EYA3: variants seen among roughly 807,000 people sequenced by gnomAD.
The protein encoded by EYA3 is protein phosphatase EYA3.
A neutral mutation model predicts 80.0 loss-of-function variants in EYA3; 39 were observed. That is an observed-to-expected ratio of 0.49 (90% CI 0.38 to 0.64). EYA3 has a LOEUF of 0.64. Ranked by LOEUF, EYA3 falls within the 30% of genes least tolerant of loss-of-function variation. EYA3 has a pLI of 0.00. For missense variants in EYA3, 523 were observed against 676.1 expected (o/e 0.77, Z 2.51); for synonymous variants, 206 against 232.8 (o/e 0.88, Z 1.05).
intron 16 of EYA3, among the ~76,000 whole-genome samples, chr1:27,984,500 C>T (rs959831501): frequency 7.9e-5 from 12 of 152,038 alleles, no homozygotes; most frequent in African/African-American, 2.2e-4. Context: ...TTACCTTTTG[C>T]GGTAAGTTTT....
intron 4 of EYA3, among the ~76,000 whole-genome samples, chr1:28,039,495 T>C (rs954393626): frequency 6.6e-6 from 1 of 152,216 alleles, no homozygotes; most frequent in African/African-American, 2.4e-5. Context: ...CGTGAGGAAC[T>C]GATGTGATAC....
At position 27,993,564 on chromosome 1, in the gene EYA3, C is replaced by T; in HGVS notation, c.1143-4G>A. 6.4e-7 allele frequency: 1 copy of T among 1,572,342 alleles called. No individual in the cohort carries two copies. Among genetic ancestry groups the T allele is most frequent in the South Asian group, 1.2e-5 (1 of 83,352 alleles). On this transcript the variant is annotated splice_region_variant and splice_polypyrimidine_tract_variant and intron_variant, in intron 13 of 17. Coordinates refer to ENST00000373871, the MANE Select transcript of EYA3 (RefSeq NM_001990.4). ...ATCTGTTGAGAAACTGTAGTTGCTG[C>T]AAGGAGAGAAGATAATAAAAATTAA...
intron 16 of EYA3, among the ~76,000 whole-genome samples, chr1:27,984,036 C>T (rs1639486334): frequency 6.6e-6 from 1 of 151,910 alleles, no homozygotes; most frequent in Non-Finnish European, 1.5e-5. Context: ...TGTCTTGTTA[C>T]CTTTTTTCAA....
Position 28,027,883 on chromosome 1 carries a change from C to G in EYA3, c.405G>C (p.Gln135His), listed in dbSNP as rs764723532. The G allele has an allele frequency of 3.7e-6, 6 of 1,614,122 alleles. No homozygotes were observed. The highest frequency in any genetic ancestry group is 5.1e-6 in the Non-Finnish European group (6 of 1,180,006). Residue 135 changes from glutamine (Q) to histidine (H), a missense_variant, in exon 7 of 18, where the codon CAG (glutamine) becomes CAC (histidine). By Grantham distance (24) the Gln-to-His change is conservative. This residue lies in a region of EYA3 where 304 missense variants were observed against 343.3 expected (regional missense o/e 0.89). Coordinates refer to ENST00000373871, the MANE Select transcript of EYA3 (RefSeq NM_001990.4). ...PGMKPESGLIQTPSPSQHSVL... is the reference protein window; with the variant it reads ...PGMKPESGLIHTPSPSQHSVL... ...CACTGTGTTGACTTGGAGATGGAGT[C>G]TGAATTAAACCACTTTCAGGTTTCA...
intron 14 of EYA3, among the ~76,000 whole-genome samples, chr1:27,991,153 G>A (rs1640033708): frequency 6.6e-6 from 1 of 152,080 alleles, no homozygotes; most frequent in Non-Finnish European, 1.5e-5. Context: ...AAAAATTAGT[G>A]TTACAGCTAG....
At chr1:27,986,524 A>G (rs563651241) in intron 16 of EYA3, among the ~76,000 whole-genome samples, 1 of 149,554 alleles carries the variant, frequency 6.7e-6, no homozygotes, top group South Asian at 2.1e-4. Flanking sequence ...CAGCCTCCCA[A>G]GTAGGTGGGA....
intron 16 of EYA3, among the ~76,000 whole-genome samples, chr1:27,981,387 T>G (rs1452012582): frequency 6.6e-6 from 1 of 152,146 alleles, no homozygotes; most frequent in Admixed American, 6.5e-5. Flanking sequence ...GTGCCAGGTC[T>G]CAGTATAATA....
chr1:28,010,942 C>G lies in EYA3; in HGVS notation c.909+5G>C. The G allele has an allele frequency of 3.1e-6, 5 of 1,608,954 alleles. No individual in the cohort carries two copies. The highest frequency in any genetic ancestry group is 4.2e-6 in the Non-Finnish European group (5 of 1,178,548). On this transcript the variant is annotated splice_donor_5th_base_variant and intron_variant, in intron 10 of 17. Transcript: ENST00000373871. ...GTAGGTAACTAAATCAGTTTCTTCTCATACTTCTAATTCACTGTCTTGGGA... is the reference window on the plus strand; with the variant it reads ...GTAGGTAACTAAATCAGTTTCTTCTGATACTTCTAATTCACTGTCTTGGGA...
intron 7 of EYA3, among the ~76,000 whole-genome samples, chr1:28,020,422 C>A (rs1407494566): frequency 6.6e-6 from 1 of 152,096 alleles, no homozygotes; most frequent in East Asian, 1.9e-4. Flanking sequence ...ATATCAGGGT[C>A]AACTATGTGC....
intron 2 of EYA3, among the ~76,000 whole-genome samples, chr1:28,053,929 CAA>C (rs1302860114): frequency 6.6e-6 from 1 of 152,088 alleles, no homozygotes; most frequent in African/African-American, 2.4e-5. Flanking sequence ...AAGGTTTAAA[CAA>C]GAGGCAAAAG....
At chr1:28,014,741 G>C (rs560758544) in intron 8 of EYA3, among the ~76,000 whole-genome samples, 2 of 146,962 alleles carry the variant, frequency 1.4e-5, no homozygotes, top group Non-Finnish European at 3.0e-5. Flanking sequence ...AAAAAAAAAA[G>C]GTTTCTTAAA....
intron 1 of EYA3, among the ~76,000 whole-genome samples, chr1:28,082,515 T>C (rs1298094569): frequency 6.6e-6 from 1 of 152,164 alleles, no homozygotes; most frequent in African/African-American, 2.4e-5. Context: ...ATAAAATCAC[T>C]AATTTAAATA....
At chr1:28,054,965 T>G (rs568987839) in intron 2 of EYA3, among the ~76,000 whole-genome samples, 1 of 152,368 alleles carries the variant, frequency 6.6e-6, no homozygotes, top group Non-Finnish European at 1.5e-5. Flanking sequence ...AACTTAATGC[T>G]GATTGATGAC....
intron 3 of EYA3, among the ~76,000 whole-genome samples, 156 bp downstream of exon 3, chr1:28,048,222 TGGAAA>T (rs1228990732): frequency 1.3e-5 from 2 of 151,912 alleles, no homozygotes; most frequent in African/African-American, 2.4e-5. Flanking sequence ...AAAAACTATT[TGGAAA>T]GGAAATTTTA....
At chr1:28,079,486 C>T (rs1418125233) in intron 1 of EYA3, among the ~76,000 whole-genome samples, 1 of 152,082 alleles carries the variant, frequency 6.6e-6, no homozygotes, top group African/African-American at 2.4e-5. Flanking sequence ...GACTAGTTGC[C>T]AAGAACAGAA....
chr1:27,980,404 C>G (rs1243455312), intron 16 of EYA3, among the ~76,000 whole-genome samples: 2 of 152,110 alleles, frequency 1.3e-5, no homozygotes, highest in African/African-American at 4.8e-5. Flanking sequence ...TTGTAAGACT[C>G]AACAAAGGCA....
At chr1:28,044,896 G>A (rs147367620) in intron 3 of EYA3, among the ~76,000 whole-genome samples, 4 of 151,776 alleles carry the variant, frequency 2.6e-5, no homozygotes, top group Non-Finnish European at 4.4e-5. Flanking sequence ...CTCATCCTCC[G>A]AAGTAGCTGG....
At chr1:28,025,988 A>G (rs923835949) in intron 7 of EYA3, among the ~76,000 whole-genome samples, 2 of 151,940 alleles carry the variant, frequency 1.3e-5, no homozygotes, top group Admixed American at 6.6e-5. Context: ...CCAACTCCCA[A>G]CCTCAGGTGA....
intron 6 of EYA3, among the ~76,000 whole-genome samples, chr1:28,031,216 C>T (rs1215269547): frequency 6.6e-6 from 1 of 152,180 alleles, no homozygotes; most frequent in Non-Finnish European, 1.5e-5. Context: ...ACAATACAGA[C>T]AGTACCTCCA....
Sources: allele counts gnomAD v4.1 joint callset (sites outside exome capture counted in the v4.1 genomes callset), GRCh38; gene constraint gnomAD v4.1.1; regional missense constraint gnomAD v4.1.1; transcripts MANE v1.5; gene names NCBI Gene and HGNC (gene_info 2026-07-23, HGNC 2026-07-21).